Variants in CCNJL observed in about 807,000 individuals in gnomAD.
CCNJL encodes cyclin-J-like protein.
In CCNJL, 33 loss-of-function variants were observed where a neutral mutation model predicts 33.4. The observed-to-expected ratio is 0.99, with a 90% CI of 0.75 to 1.32. The LOEUF (loss-of-function observed/expected upper bound fraction) is 1.32. Ranked by LOEUF, CCNJL falls within the 40% of genes most tolerant of loss-of-function variation. The probability of loss-of-function intolerance (pLI) is 0.00; values close to 1 mark genes in which losing one functional copy is unlikely to be tolerated. For missense variants in CCNJL, 512 were observed against 499.7 expected (o/e 1.02, Z -0.23); for synonymous variants, 227 against 220.9 (o/e 1.03, Z -0.24).
intron 1 of CCNJL, among the ~76,000 whole-genome samples, chr5:160,322,375 A>G (rs1234050408): frequency 6.6e-6 from 1 of 152,166 alleles, no homozygotes; most frequent in African/African-American, 2.4e-5. Context: ...TAATGATCTC[A>G]AGCAAGTTAG....
chr5:160,287,552 G>A lies in CCNJL; in HGVS notation c.67-6814C>T, dbSNP rs552558847. On this transcript the variant is annotated intron_variant, in intron 2 of 5. Coordinates refer to ENST00000257536, the MANE Select transcript of CCNJL (RefSeq NM_001308173.3). ...ATCACTTCGCTAACCCAATTAGGGG[G>A]TGCAGGGAAGGCATTCATTACAAGG... 2.0e-5 allele frequency among the ~76,000 whole-genome samples: 3 copies of A among 152,350 alleles called. No individual in the cohort carries two copies. The East Asian group carries it at 5.8e-4, about 29-fold the overall frequency.
chr5:160,293,809 C>A (rs1192645517), intron 2 of CCNJL, among the ~76,000 whole-genome samples: 1 of 152,152 alleles, frequency 6.6e-6, no homozygotes, highest in South Asian at 2.1e-4. Flanking sequence ...ATCAGAGGAG[C>A]GGGCCAGGGC....
upstream of CCNJL, among the ~76,000 whole-genome samples, chr5:160,316,513 T>C (rs1415602404): frequency 1.3e-5 from 2 of 152,190 alleles, no homozygotes; most frequent in Non-Finnish European, 2.9e-5. Flanking sequence ...CAGTTTGCAC[T>C]GAACTTTCCT....
Position 160,253,362 on chromosome 5 carries a change from G to C in CCNJL, c.*16C>G. The C allele has an allele frequency of 6.5e-7, 1 of 1,550,244 alleles. No individual in the cohort carries two copies. The highest frequency in any genetic ancestry group is 8.7e-7 in the Non-Finnish European group (1 of 1,144,738). Reference sequence around the variant, plus strand: ...GCCCACATCTCCAAGGCTTCCTCGTGAGGTCTGGAGGTGGCCTATCTGTCA... The same window carrying C: ...GCCCACATCTCCAAGGCTTCCTCGTCAGGTCTGGAGGTGGCCTATCTGTCA... On this transcript the variant is annotated 3_prime_UTR_variant, in exon 6 of 6. Coordinates refer to ENST00000257536, the MANE Select transcript of CCNJL (RefSeq NM_001308173.3).
At position 160,280,664 on chromosome 5, in the gene CCNJL, G is replaced by T; in HGVS notation, c.141C>A (p.Thr47=). ...AGAGCTGGCAGTGGCTGCTCAGCAG[G>T]GTCAGGATGTCCACGAAGAACCGGC... ...KSRRFFVDIL[T]LLSSHCQLCP... is the part of the protein sequence containing the mutation. The change falls in exon 3 of 6, where the codon ACC becomes ACA. Residue 47 remains threonine (T), a synonymous_variant. Transcript: ENST00000257536. The T allele has an allele frequency of 6.2e-7, 1 of 1,613,584 alleles. No individual in the cohort carries two copies. The highest frequency in any genetic ancestry group is 1.7e-4 in the Middle Eastern group (1 of 6,058).
At chr5:160,265,161 A>G (rs1761520488) in intron 3 of CCNJL, among the ~76,000 whole-genome samples, 1 of 152,154 alleles carries the variant, frequency 6.6e-6, no homozygotes, top group Admixed American at 6.5e-5. Flanking sequence ...CGTGTTCTGC[A>G]CTGTGCCCCA....
intron 3 of CCNJL, among the ~76,000 whole-genome samples, chr5:160,267,494 T>C (rs1376669523): frequency 1.3e-5 from 2 of 152,166 alleles, no homozygotes; most frequent in Non-Finnish European, 2.9e-5. Flanking sequence ...ATAATAGCTT[T>C]TGTGTATTTT....
Position 160,311,907 on chromosome 5 carries a change from C to G in CCNJL, c.17G>C (p.Trp6Ser). 1 of 1,614,170 alleles carries G rather than the reference C, an allele frequency of 6.2e-7. No individual in the cohort carries two copies. Among genetic ancestry groups the G allele is most frequent in the Non-Finnish European group, 8.5e-7 (1 of 1,180,018 alleles). The change falls in exon 2 of 6, where the codon TGG becomes TCG. Residue 6 changes from tryptophan (W) to serine (S), a missense_variant. Physicochemically the swap from Trp to Ser is radical, Grantham distance 177. Coordinates refer to ENST00000257536, the MANE Select transcript of CCNJL (RefSeq NM_001308173.3). MMDEPWWEGRVASDVH... is the reference protein window; with the variant it reads MMDEPSWEGRVASDVH... ...GTCCGAGGCGACGCGCCCTTCCCAC[C>G]ACGGCTCATCCATCATCGCGTACGC...
intron 2 of CCNJL, among the ~76,000 whole-genome samples, chr5:160,304,019 G>T (rs1410933938): frequency 6.6e-6 from 1 of 152,262 alleles, no homozygotes; most frequent in Middle Eastern, 3.4e-3. Context: ...GGAGATTGAT[G>T]GGGTACACCC....
chr5:160,331,794 C>G (rs755570155), intron 1 of CCNJL, among the ~76,000 whole-genome samples: 11 of 152,190 alleles, frequency 7.2e-5, no homozygotes, highest in Admixed American at 1.3e-4. Context: ...CATCATTAAG[C>G]ACAAATGGGT....
intron 1 of CCNJL, among the ~76,000 whole-genome samples, chr5:160,335,729 G>A (rs1275833617): frequency 6.8e-6 from 1 of 147,048 alleles, no homozygotes; most frequent in Non-Finnish European, 1.5e-5. Context: ...ATGCCATCAT[G>A]TCTAATTTTT....
At chr5:160,291,352 G>A (rs1052283832) in intron 2 of CCNJL, among the ~76,000 whole-genome samples, 3 of 152,166 alleles carry the variant, frequency 2.0e-5, no homozygotes, top group Admixed American at 6.6e-5. Context: ...GGTTCTGTGG[G>A]CCACAGTTTG....
At chr5:160,333,679 T>G (rs1480489532) in intron 1 of CCNJL, among the ~76,000 whole-genome samples, 2 of 151,870 alleles carry the variant, frequency 1.3e-5, no homozygotes, top group Non-Finnish European at 2.9e-5. Context: ...TTGTTTTCTG[T>G]CCCTCTCCCC....
intron 3 of CCNJL, among the ~76,000 whole-genome samples, chr5:160,269,227 T>C (rs941936894): frequency 2.0e-5 from 3 of 152,206 alleles, no homozygotes; most frequent in East Asian, 3.9e-4. Context: ...GACATCACAC[T>C]GCGGCCTCAG....
At chr5:160,313,830 T>G (rs375256760), upstream of CCNJL, among the ~76,000 whole-genome samples, 1 of 152,178 alleles carries the variant, frequency 6.6e-6, no homozygotes, top group Non-Finnish European at 1.5e-5. Flanking sequence ...AACCTTCAAA[T>G]GGGAGAATAT....
chr5:160,312,506 C>G lies in CCNJL; in HGVS notation c.-192G>C, dbSNP rs899958456. On this transcript the variant is annotated 5_prime_UTR_variant, in exon 1 of 6. Transcript: ENST00000257536. ...ACGGCCGCCTCCGCAGCCCGACTAGCCCCCGCCGTCGCCGCGCCCCTGCGT... is the reference window on the plus strand; with the variant it reads ...ACGGCCGCCTCCGCAGCCCGACTAGGCCCCGCCGTCGCCGCGCCCCTGCGT... 1 of 151,786 alleles carries G rather than the reference C, an allele frequency of 6.6e-6. No homozygotes were observed. The highest frequency in any genetic ancestry group is 1.5e-5 in the Non-Finnish European group (1 of 67,946). The allele number at this position is 151,786 out of a possible 1,614,324, so 9.4% of individuals were successfully genotyped here. A position where few individuals can be genotyped will look rare whatever the true frequency, so the allele number is the denominator to read the frequency against.
chr5:160,299,514 T>TA, intron 2 of CCNJL, among the ~76,000 whole-genome samples: 1 of 151,536 alleles, frequency 6.6e-6, no homozygotes, highest in East Asian at 1.9e-4. Context: ...TGAACAACTA[T>TA]AAAAACCATT....
chr5:160,331,593 C>T (rs376098593), intron 1 of CCNJL, among the ~76,000 whole-genome samples: 5 of 152,290 alleles, frequency 3.3e-5, no homozygotes, highest in African/African-American at 1.2e-4. Flanking sequence ...AGATTCCATT[C>T]CAAAGTCAAT....
intron 1 of CCNJL, among the ~76,000 whole-genome samples, chr5:160,330,318 T>C (rs1763589389): frequency 6.6e-6 from 1 of 152,178 alleles, no homozygotes; most frequent in South Asian, 2.1e-4. Flanking sequence ...ATCCAGGTAT[T>C]GGCATGTTCT....
Sources: allele counts gnomAD v4.1 joint callset (sites outside exome capture counted in the v4.1 genomes callset), GRCh38; gene constraint gnomAD v4.1.1; transcripts MANE v1.5; gene names NCBI Gene and HGNC (gene_info 2026-07-23, HGNC 2026-07-21).